Variants in EPC2 observed in about 807,000 individuals in gnomAD.
The protein encoded by EPC2 is enhancer of polycomb 2.
A neutral mutation model predicts 92.1 loss-of-function variants in EPC2; 14 were observed. The ratio of observed to expected loss-of-function variants is 0.15; its 90% confidence interval spans 0.10 to 0.24. The LOEUF is 0.24. Among genes scored for constraint, EPC2 ranks in the 10% least tolerant of loss-of-function variants. The probability of loss-of-function intolerance (pLI) is 1.00; values close to 1 mark genes in which losing one functional copy is unlikely to be tolerated. For synonymous variants in EPC2, 340 were observed against 334.7 expected, an observed-to-expected ratio of 1.02 and a Z score of -0.17; for missense variants, 755 against 971.5, an observed-to-expected ratio of 0.78 and a Z score of 2.96.
intron 1 of EPC2, among the ~76,000 whole-genome samples, chr2:148,649,162 A>G (rs1574559217): frequency 1.3e-5 from 2 of 152,230 alleles, no homozygotes; most frequent in Non-Finnish European, 2.9e-5. Flanking sequence ...AGGGCTTTAC[A>G]TATATTATTT....
chr2:148,725,925 T>C (rs1682485770), intron 2 of EPC2, among the ~76,000 whole-genome samples: 1 of 152,162 alleles, frequency 6.6e-6, no homozygotes, highest in African/African-American at 2.4e-5. Context: ...ACTTTTACAT[T>C]TTGTAAAACT....
intron 1 of EPC2, among the ~76,000 whole-genome samples, chr2:148,665,888 T>A (rs923167155): frequency 5.3e-5 from 8 of 152,308 alleles, no homozygotes; most frequent in Admixed American, 1.3e-4. Context: ...AAATGGGCAC[T>A]TATCTGTTTA....
chr2:148,700,107 T>G (rs1202822815), intron 2 of EPC2, among the ~76,000 whole-genome samples: 8 of 152,206 alleles, frequency 5.3e-5, no homozygotes, highest in Non-Finnish European at 1.2e-4. Flanking sequence ...AAGTGTTCTT[T>G]ATATATTTTA....
chr2:148,711,714 T>G (rs2105384504), intron 2 of EPC2, among the ~76,000 whole-genome samples: 1 of 152,320 alleles, frequency 6.6e-6, no homozygotes, highest in African/African-American at 2.4e-5. Flanking sequence ...TGGATTCATC[T>G]TTTTTTCCTA....
At chr2:148,766,894 A>T (rs1004479020) in intron 7 of EPC2, among the ~76,000 whole-genome samples, 1 of 152,210 alleles carries the variant, frequency 6.6e-6, no homozygotes, top group African/African-American at 2.4e-5. Context: ...TTTAAGAATG[A>T]TGCTGTAGAC....
chr2:148,724,047 AT>A (rs1325554463), intron 2 of EPC2, among the ~76,000 whole-genome samples: 1 of 152,050 alleles, frequency 6.6e-6, no homozygotes, highest in Non-Finnish European at 1.5e-5. Context: ...CTTAGATGTT[AT>A]TTTGGTTTTA....
chr2:148,771,017 A>G (rs1485211399), intron 9 of EPC2, 27 bp from the exon 10 acceptor site: 3 of 1,592,450 alleles, frequency 1.9e-6, no homozygotes, highest in Non-Finnish European at 2.6e-6. Context: ...TCTCTCAGTT[A>G]ATATTTGGTT....
At chr2:148,765,454 CA>C (rs1307951227) in intron 7 of EPC2, among the ~76,000 whole-genome samples, 5 of 151,970 alleles carry the variant, frequency 3.3e-5, no homozygotes, top group Non-Finnish European at 5.9e-5. Context: ...AGTTACTAAC[CA>C]AAAATTATCA....
At chr2:148,736,261 A>G (rs1407965229) in intron 2 of EPC2, among the ~76,000 whole-genome samples, 6 of 152,160 alleles carry the variant, frequency 3.9e-5, no homozygotes, top group African/African-American at 1.2e-4. Flanking sequence ...GGATTTATAC[A>G]TTTGTATTAT....
chr2:148,744,989 GC>G (rs34269450), intron 3 of EPC2, among the ~76,000 whole-genome samples: 3,670 of 46,320 alleles, frequency 0.079, 350 homozygotes, highest in Middle Eastern at 0.11. Context: ...CTATCAGTTT[GC>G]CCCCCCCCCC....
At chr2:148,687,600 C>A (rs1681553185) in intron 1 of EPC2, among the ~76,000 whole-genome samples, 1 of 152,168 alleles carries the variant, frequency 6.6e-6, no homozygotes, top group Non-Finnish European at 1.5e-5. Flanking sequence ...CTTATTCTGA[C>A]AAAATGCCAA....
intron 2 of EPC2, among the ~76,000 whole-genome samples, chr2:148,693,562 T>G (rs1681683188): frequency 6.6e-6 from 1 of 152,214 alleles, no homozygotes; most frequent in African/African-American, 2.4e-5. Context: ...ATGAACTGTT[T>G]GAGGGTCTTT....
chr2:148,698,258 G>GA (rs1681793411), intron 2 of EPC2, among the ~76,000 whole-genome samples: 1 of 152,068 alleles, frequency 6.6e-6, no homozygotes, highest in African/African-American at 2.4e-5. Flanking sequence ...TCCCTCCATG[G>GA]AGTTCAGTAA....
At chr2:148,728,618 T>A (rs967287206) in intron 2 of EPC2, among the ~76,000 whole-genome samples, 2 of 151,920 alleles carry the variant, frequency 1.3e-5, no homozygotes, top group Non-Finnish European at 2.9e-5. Context: ...TAGTCCCAGC[T>A]ATTTGGGAGG....
chr2:148,711,215 A>G (rs934737807), intron 2 of EPC2, among the ~76,000 whole-genome samples: 2 of 151,998 alleles, frequency 1.3e-5, no homozygotes, highest in African/African-American at 2.4e-5. Context: ...AGTCAGTCCT[A>G]TAAATTTTTC....
chr2:148,644,970 C>A lies in EPC2; in HGVS notation c.-48C>A. The A allele has an allele frequency of 1.3e-6, 2 of 1,519,468 alleles. No individual in the cohort carries two copies. The highest frequency in any genetic ancestry group is 1.8e-6 in the Non-Finnish European group (2 of 1,125,462). The allele number at this position is 1,519,468 out of a possible 1,614,324, so 94.1% of individuals were successfully genotyped here. On this transcript the variant is annotated 5_prime_UTR_variant, in exon 1 of 14. Transcript: ENST00000258484. The stretch of plus-strand genomic sequence containing the variant: ...GGCGGGAGTCCTCCCCCCCTCCCCG[C>A]CCGCCCCGCCGCCGCCGCCCGGGCT...
intron 1 of EPC2, among the ~76,000 whole-genome samples, chr2:148,687,024 G>A (rs757338536): frequency 2.0e-5 from 3 of 152,158 alleles, no homozygotes; most frequent in Non-Finnish European, 4.4e-5. Context: ...TCTTCTACCA[G>A]TAGAAGGCTA....
intron 2 of EPC2, among the ~76,000 whole-genome samples, chr2:148,740,315 C>G (rs1315863487): frequency 2.0e-5 from 3 of 150,122 alleles, no homozygotes; most frequent in African/African-American, 7.4e-5. Flanking sequence ...TTACCTCTGT[C>G]TGGTAGAGGA....
chr2:148,691,547 T>C, intron 2 of EPC2: 1 of 1,550,528 alleles, frequency 6.4e-7, no homozygotes, highest in Non-Finnish European at 8.7e-7. Flanking sequence ...TGCAGTGAAA[T>C]TGCATCTTAA....
Sources: gnomAD v4.1 joint callset for allele counts (sites outside exome capture counted in the v4.1 genomes callset) on GRCh38, gnomAD v4.1.1 for gene constraint, MANE v1.5 for transcripts, NCBI Gene and HGNC (gene_info 2026-07-23, HGNC 2026-07-21) for gene names.